SBF2: variants seen among roughly 807,000 people sequenced by gnomAD.
SBF2 encodes myotubularin-related protein 13.
In SBF2, 112 loss-of-function variants were observed where a neutral mutation model predicts 225.2. The ratio of observed to expected loss-of-function variants is 0.50; its 90% CI spans 0.43 to 0.58. The LOEUF (loss-of-function observed/expected upper bound fraction) is 0.58. Ranked by LOEUF, SBF2 falls within the 20% of genes least tolerant of loss-of-function variation. The pLI, the probability that SBF2 is intolerant of heterozygous loss-of-function variation, is 0.00. For missense variants in SBF2, 1,996 were observed against 2,206.2 expected (o/e 0.90, Z 1.91); for synonymous variants, 763 against 773.3 (o/e 0.99, Z 0.22).
intron 2 of SBF2, among the ~76,000 whole-genome samples, chr11:10,188,214 A>C (rs1957017123): frequency 6.6e-6 from 1 of 152,160 alleles, no homozygotes; most frequent in South Asian, 2.1e-4. Flanking sequence ...TTTTGCTAAA[A>C]TTATAGATAC....
At chr11:9,895,654 AC>A (rs1303330167) in intron 17 of SBF2, among the ~76,000 whole-genome samples, 1 of 152,182 alleles carries the variant, frequency 6.6e-6, no homozygotes, top group Non-Finnish European at 1.5e-5. Context: ...TGGGGAAAAA[AC>A]ATGTAAACAA....
intron 14 of SBF2, among the ~76,000 whole-genome samples, chr11:9,965,415 A>G (rs1301206800): frequency 6.6e-6 from 1 of 151,340 alleles, no homozygotes; most frequent in Non-Finnish European, 1.5e-5. Flanking sequence ...CAGCCTCCCA[A>G]GTAGCTGGGA....
intron 33 of SBF2, among the ~76,000 whole-genome samples, chr11:9,792,141 T>C (rs1266885956): frequency 6.6e-6 from 1 of 152,160 alleles, no homozygotes; most frequent in Non-Finnish European, 1.5e-5. Flanking sequence ...ATCTTAAAAA[T>C]TATGACTCAG....
chr11:9,823,503 TAAAA>T (rs536960639), intron 28 of SBF2, among the ~76,000 whole-genome samples: 1 of 122,472 alleles, frequency 8.2e-6, no homozygotes, highest in Non-Finnish European at 1.8e-5. Flanking sequence ...GGGGTTAGGG[TAAAA>T]AAAAAAAAAA....
rs181914691 is a variant in SBF2, at chr11:10,077,599, A to T, written c.142-34618T>A. 3.0e-4 allele frequency among the ~76,000 whole-genome samples: 45 copies of T among 152,360 alleles called. No individual in the cohort carries two copies. In the East Asian group the frequency reaches 8.3e-3, roughly 28 times the overall value. ...GGCAAGCCATATGCAGAAAGCTGAAACTGGATCCCTTCCTTAAACCTTATA... is the reference window on the plus strand; with the variant it reads ...GGCAAGCCATATGCAGAAAGCTGAATCTGGATCCCTTCCTTAAACCTTATA... On this transcript the variant is annotated intron_variant, in intron 2 of 39. Transcript: ENST00000256190.
At chr11:10,027,514 G>C (rs891762655) in intron 6 of SBF2, among the ~76,000 whole-genome samples, 1 of 152,126 alleles carries the variant, frequency 6.6e-6, no homozygotes, top group African/African-American at 2.4e-5. Context: ...AAGAAATTAA[G>C]AATTCCATGA....
chr11:9,979,233 T>C (rs1946837356), intron 13 of SBF2, among the ~76,000 whole-genome samples: 1 of 152,206 alleles, frequency 6.6e-6, no homozygotes. Flanking sequence ...GGATGAGAGA[T>C]AATTGTATGT....
chr11:9,819,860 C>A (rs894857065), intron 28 of SBF2, among the ~76,000 whole-genome samples: 1 of 152,194 alleles, frequency 6.6e-6, no homozygotes, highest in Non-Finnish European at 1.5e-5. Context: ...TATCTTCCTT[C>A]TTCTCTTTTC....
At chr11:9,989,469 G>A in intron 13 of SBF2, 28 bp downstream of exon 13, 1 of 1,319,672 alleles carries the variant, frequency 7.6e-7, no homozygotes, top group Non-Finnish European at 1.1e-6. Flanking sequence ...TAAAATTAAT[G>A]ACTGTCTAAA....
At chr11:10,030,484 C>T (rs1590796226) in intron 4 of SBF2, among the ~76,000 whole-genome samples, 1 of 152,260 alleles carries the variant, frequency 6.6e-6, no homozygotes, top group East Asian at 1.9e-4. Context: ...TCTTTTATAA[C>T]ACAAATAATC....
intron 17 of SBF2, among the ~76,000 whole-genome samples, chr11:9,887,503 T>G (rs1860433904): frequency 6.6e-6 from 1 of 152,034 alleles, no homozygotes; most frequent in South Asian, 2.1e-4. Context: ...GGAGAGGTTG[T>G]GCTGAAAGGG....
chr11:10,288,023 A>G (rs1388941121), intron 1 of SBF2, among the ~76,000 whole-genome samples: 1 of 152,206 alleles, frequency 6.6e-6, no homozygotes, highest in Non-Finnish European at 1.5e-5. Context: ...CACCACAAAC[A>G]GCTTCCCCGG....
At chr11:10,081,746 C>A (rs1181886764) in intron 2 of SBF2, among the ~76,000 whole-genome samples, 1 of 134,206 alleles carries the variant, frequency 7.5e-6, no homozygotes, top group African/African-American at 2.8e-5. Flanking sequence ...ACCCACAGAG[C>A]AAGACTCCAC....
intron 28 of SBF2, among the ~76,000 whole-genome samples, chr11:9,822,258 C>CTTTTTT (rs1210806960): frequency 1.5e-5 from 2 of 129,412 alleles, no homozygotes; most frequent in Non-Finnish European, 1.7e-5. Flanking sequence ...TAACTAAACT[C>CTTTTTT]TTTTTTTTTT....
chr11:9,881,423 C>A (rs1047781259), intron 17 of SBF2, among the ~76,000 whole-genome samples: 1 of 151,954 alleles, frequency 6.6e-6, no homozygotes, highest in South Asian at 2.1e-4. Flanking sequence ...TTAGGAAGAA[C>A]GAGTAACTGT....
chr11:9,798,248 G>A (rs980434964), intron 32 of SBF2, among the ~76,000 whole-genome samples: 8 of 152,096 alleles, frequency 5.3e-5, no homozygotes, highest in African/African-American at 1.9e-4. Flanking sequence ...TGGTCTTCCT[G>A]GCTCCTTTCT....
intron 13 of SBF2, among the ~76,000 whole-genome samples, chr11:9,972,130 C>T (rs1038476578): frequency 6.6e-6 from 1 of 152,124 alleles, no homozygotes; most frequent in African/African-American, 2.4e-5. Context: ...TGACCTGGTG[C>T]AGTGTCAATT....
chr11:9,817,170 C>A, intron 28 of SBF2, 146 bp from the exon 29 acceptor site: 1 of 812,004 alleles, frequency 1.2e-6, no homozygotes, highest in East Asian at 2.6e-5. Context: ...TGGTCATTTG[C>A]TACTTCTGTA....
chr11:10,249,929 G>A (rs879231386), intron 1 of SBF2, among the ~76,000 whole-genome samples: 3 of 151,560 alleles, frequency 2.0e-5, no homozygotes, highest in Admixed American at 6.6e-5. Flanking sequence ...TAAAAGAGAC[G>A]TAAAGAGAAT....
Sources: allele counts gnomAD v4.1 joint callset (sites outside exome capture counted in the v4.1 genomes callset), GRCh38; gene constraint gnomAD v4.1.1; transcripts MANE v1.5; gene names NCBI Gene and HGNC (gene_info 2026-07-23, HGNC 2026-07-21).